The following INSL6 variants were observed in gnomAD, a reference collection of about 807,000 sequenced individuals.
INSL6 encodes insulin-like peptide INSL6.
INSL6 carries 16 observed loss-of-function variants against 9.4 expected under a neutral mutation model. That is an observed-to-expected ratio of 1.70 (90% CI 1.15 to 2.59). The LOEUF (loss-of-function observed/expected upper bound fraction) is 2.59, where lower values mean the gene tolerates loss of function less well. Ranked by LOEUF, INSL6 falls within the 30% of genes most tolerant of loss-of-function variation. The pLI, the probability that INSL6 is intolerant of heterozygous loss-of-function variation, is 0.00. For missense variants in INSL6, 391 were observed against 257.3 expected (o/e 1.52, Z -3.56); for synonymous variants, 154 against 96.9 (o/e 1.59, Z -3.46).
At chr9:5,026,791 G>A in the INSL6 span, among the ~76,000 whole-genome samples, 1 of 152,064 alleles carries the variant, frequency 6.6e-6, no homozygotes, top group Non-Finnish European at 1.5e-5. Context: ...TGTGGTTTAG[G>A]TATTCTCTTG....
chr9:5,178,138 G>C (rs915481327), intron 1 of INSL6, among the ~76,000 whole-genome samples: 1 of 152,206 alleles, frequency 6.6e-6, no homozygotes, highest in Non-Finnish European at 1.5e-5. Context: ...GCCTCCCAAA[G>C]TGCCAGGATT....
At chr9:5,087,192 T>C in the INSL6 span, among the ~76,000 whole-genome samples, 1 of 152,226 alleles carries the variant, frequency 6.6e-6, no homozygotes, top group African/African-American at 2.4e-5. Context: ...AGAGGTTTAA[T>C]TGACTGACAG....
At chr9:5,071,052 G>A in the INSL6 span, among the ~76,000 whole-genome samples, 3 of 152,164 alleles carry the variant, frequency 2.0e-5, no homozygotes, top group African/African-American at 4.8e-5. Context: ...CGCTTCTGGT[G>A]AGGAAAAGGA....
chr9:5,078,485 A>T, the INSL6 span: 4 of 1,535,712 alleles, frequency 2.6e-6, no homozygotes, highest in Admixed American at 7.3e-5. Context: ...ACTAAGCTTT[A>T]CTTGGGCAGT....
At chr9:5,008,704 C>T in the INSL6 span, among the ~76,000 whole-genome samples, 1,293 of 152,222 alleles carry the variant, frequency 8.5e-3, 5 homozygotes, top group Admixed American at 0.012. Flanking sequence ...TGATTTGTAT[C>T]GGTACAGTTT....
intron 2 of INSL6, among the ~76,000 whole-genome samples, chr9:5,150,985 G>T (rs569477191): frequency 1.2e-4 from 18 of 152,198 alleles, no homozygotes; most frequent in African/African-American, 4.1e-4. Context: ...GAAACAGAAA[G>T]TTAGATGCTG....
the INSL6 span, chr9:5,044,497 G>A: frequency 1.2e-6 from 2 of 1,606,968 alleles, no homozygotes; most frequent in Admixed American, 3.4e-5. Flanking sequence ...TGATGACTTT[G>A]TCATGTCTTA....
the INSL6 span, among the ~76,000 whole-genome samples, chr9:5,033,155 GATGAAATGA>G: frequency 6.6e-6 from 1 of 152,210 alleles, no homozygotes; most frequent in Non-Finnish European, 1.5e-5. Context: ...AGAGATGGAA[GATGAAATGA>G]ATGAAATGAA....
chr9:4,992,749 T>C, the INSL6 span, among the ~76,000 whole-genome samples: 5 of 152,318 alleles, frequency 3.3e-5, no homozygotes, highest in African/African-American at 1.2e-4. Context: ...CTGCATACTT[T>C]ACAAAATGGA....
chr9:5,142,734 T>A (rs368252264), intron 2 of INSL6, among the ~76,000 whole-genome samples: 2 of 152,196 alleles, frequency 1.3e-5, no homozygotes, highest in South Asian at 4.1e-4. Flanking sequence ...TCCAGTACTA[T>A]GTTGAATAGG....
intron 1 of INSL6, among the ~76,000 whole-genome samples, chr9:5,171,750 A>G (rs1026913100): frequency 1.1e-4 from 16 of 152,196 alleles, no homozygotes; most frequent in African/African-American, 3.6e-4. Flanking sequence ...AATTGCTACA[A>G]AGAGAATATA....
the INSL6 span, among the ~76,000 whole-genome samples, chr9:5,011,906 C>T: frequency 2.6e-5 from 4 of 152,106 alleles, no homozygotes; most frequent in African/African-American, 4.8e-5. Flanking sequence ...GCTTTTCTGG[C>T]GTTTCAGTGG....
intron 1 of INSL6, among the ~76,000 whole-genome samples, chr9:5,168,729 G>A (rs1301737212): frequency 2.6e-5 from 4 of 152,024 alleles, no homozygotes; most frequent in African/African-American, 9.7e-5. Context: ...GAAATCCAGA[G>A]AACCCCAATA....
chr9:5,147,695 G>C (rs1253143727), intron 2 of INSL6, among the ~76,000 whole-genome samples: 5 of 152,206 alleles, frequency 3.3e-5, no homozygotes, highest in Non-Finnish European at 5.9e-5. Context: ...ATGCTGATGA[G>C]TTGTAAATTT....
chr9:4,998,431 A>AT, the INSL6 span, among the ~76,000 whole-genome samples: 1 of 151,876 alleles, frequency 6.6e-6, no homozygotes, highest in Non-Finnish European at 1.5e-5. Context: ...TAATTTTTGT[A>AT]TTTTTAGTAG....
At chr9:5,055,027 A>T in the INSL6 span, 1 of 525,990 alleles carries the variant, frequency 1.9e-6, no homozygotes, top group South Asian at 4.1e-5. Context: ...TGAACCTATC[A>T]AGGTCATATA....
At chr9:5,166,680 C>G (rs1586872349) in intron 1 of INSL6, among the ~76,000 whole-genome samples, 1 of 152,028 alleles carries the variant, frequency 6.6e-6, no homozygotes, top group East Asian at 1.9e-4. Context: ...TCAGAGTTAT[C>G]ACCTTCAAAA....
At position 5,163,997 on chromosome 9, in the gene INSL6, T is replaced by G; in HGVS notation, c.558A>C (p.Glu186Asp). The change falls in exon 2 of 2, where the codon GAA becomes GAC. Residue 186 changes from glutamate to aspartate, a missense_variant. Physicochemically the swap from Glu to Asp is conservative, Grantham distance 45. Transcript: ENST00000381641. ...ATGGAAGACATGCAATGCTAAGTTC[T>G]TCTTTTGTACATCCTGTAAGACAAC... The part of the protein sequence containing the change: ...EKCCLTGCTK[E>D]ELSIACLPYI... The G allele has an allele frequency of 6.2e-7, 1 of 1,613,230 alleles. No individual in the cohort carries two copies.
the INSL6 span, among the ~76,000 whole-genome samples, chr9:5,037,034 A>G: frequency 2.0e-5 from 3 of 152,244 alleles, no homozygotes; most frequent in Admixed American, 1.3e-4. Flanking sequence ...CAACCCCATC[A>G]AAAAGTGGGC....
Sources: allele counts gnomAD v4.1 joint callset (sites outside exome capture counted in the v4.1 genomes callset), GRCh38; gene constraint gnomAD v4.1.1; transcripts MANE v1.5; gene names NCBI Gene and HGNC (gene_info 2026-07-23, HGNC 2026-07-21).